MYO3B: variants seen among roughly 807,000 people sequenced by gnomAD.
MYO3B encodes the protein myosin IIIB.
Under a neutral mutation model 174.6 loss-of-function variants are expected in MYO3B, and 156 were observed. The observed-to-expected ratio is 0.89, with a 90% CI of 0.78 to 1.02. The LOEUF is 1.02. MYO3B is among the 50% of genes least tolerant of loss of function. The pLI, the probability that MYO3B is intolerant of heterozygous loss-of-function variation, is 0.00. For synonymous variants in MYO3B, 563 were observed against 569.1 expected (o/e 0.99, Z 0.15); for missense variants, 1,632 against 1,639.4 (o/e 1.00, Z 0.08).
chr2:170,404,543 A>C lies in MYO3B; in HGVS notation c.2431+143A>C, dbSNP rs1012791107. 6.4e-6 allele frequency: 5 copies of C among 780,682 alleles called. No homozygotes were observed. In the African/African-American group the frequency reaches 8.8e-5, roughly 14 times the overall value. The allele number at this position is 780,682 out of a possible 1,614,324, so 48.4% of individuals were successfully genotyped here. ...GAATATAGGCCTTCTTTTTCATTGA[A>C]TTGAAGTGTTGTGGTAGAATTTGAA... On this transcript the variant is annotated intron_variant, in intron 20 of 34. Transcript: ENST00000408978.
At chr2:170,257,506 T>A (rs2093314599) in intron 7 of MYO3B, among the ~76,000 whole-genome samples, 1 of 151,980 alleles carries the variant, frequency 6.6e-6, no homozygotes, top group South Asian at 2.1e-4. Context: ...ATAACAAAAT[T>A]AAGGCAGAAA....
At chr2:170,368,945 A>C (rs1035758744) in intron 8 of MYO3B, among the ~76,000 whole-genome samples, 1 of 152,150 alleles carries the variant, frequency 6.6e-6, no homozygotes, top group East Asian at 1.9e-4. Context: ...CTATATTTTT[A>C]GTGTTTTGAG....
chr2:170,282,035 T>C (rs892918268), intron 7 of MYO3B, among the ~76,000 whole-genome samples: 4 of 152,202 alleles, frequency 2.6e-5, no homozygotes, highest in Non-Finnish European at 5.9e-5. Flanking sequence ...TTGCAAATAT[T>C]TTCTCCCATT....
At chr2:170,430,492 C>T (rs1558993608) in intron 22 of MYO3B, among the ~76,000 whole-genome samples, 2 of 151,954 alleles carry the variant, frequency 1.3e-5, no homozygotes, top group African/African-American at 2.4e-5. Context: ...CTACCTCAGC[C>T]TCCTGAGTGA....
intron 32 of MYO3B, among the ~76,000 whole-genome samples, chr2:170,639,845 ATTGTTCTC>A (rs1406446534): frequency 6.6e-6 from 1 of 152,112 alleles, no homozygotes; most frequent in Non-Finnish European, 1.5e-5. Flanking sequence ...GGTCAGCAAA[ATTGTTCTC>A]TTGGAATAAG....
At position 170,497,671 on chromosome 2, in the gene MYO3B, A is replaced by G. The variant is rs375470537; in HGVS notation, c.3015-921A>G. 3.9e-5 allele frequency among the ~76,000 whole-genome samples: 6 copies of G among 152,018 alleles called. No homozygotes were observed. The East Asian group carries it at 7.7e-4, about 20-fold the overall frequency. On this transcript the variant is annotated intron_variant, in intron 25 of 34. Coordinates refer to ENST00000408978, the MANE Select transcript of MYO3B (RefSeq NM_138995.5). ...TGTTTCTTCAGGTTTTCATTTCCTC[A>G]TGAAGGCTCCTGTGTCACTTAAAAC...
chr2:170,214,690 C>A lies in MYO3B; in HGVS notation c.427-39C>A, dbSNP rs545620222. ...AAATAAGCATGTAAATTTCCCCTTT[C>A]TCTTTCCTGTTGTTTGGTGGTGGTG... On this transcript the variant is annotated intron_variant, in intron 4 of 34. Transcript: ENST00000408978. The A allele has an allele frequency of 1.1e-5, 18 of 1,567,200 alleles. No homozygotes were observed. In the African/African-American group the frequency reaches 1.8e-4, roughly 15 times the overall value.
intron 1 of MYO3B, among the ~76,000 whole-genome samples, chr2:170,182,037 T>C (rs2092406711): frequency 6.6e-6 from 1 of 152,154 alleles, no homozygotes; most frequent in Admixed American, 6.5e-5. Context: ...TTTTATTGTA[T>C]ATACTCTTGA....
At chr2:170,198,795 G>C (rs537393962) in intron 1 of MYO3B, among the ~76,000 whole-genome samples, 2 of 152,102 alleles carry the variant, frequency 1.3e-5, no homozygotes, top group African/African-American at 4.8e-5. Context: ...GTCTATCAGG[G>C]AGCCCTCATG....
At chr2:170,587,509 C>T (rs1355751372) in intron 32 of MYO3B, among the ~76,000 whole-genome samples, 2 of 152,166 alleles carry the variant, frequency 1.3e-5, no homozygotes, top group South Asian at 2.1e-4. Flanking sequence ...CAGTCAGGTA[C>T]GTCCTATTCC....
chr2:170,557,142 A>ATT lies in MYO3B; in HGVS notation c.3733+13158_3733+13159dup, dbSNP rs369628260. ...TATGTCTGCAGGGTTTTTTATTTTT[A>ATT]TTTTTATTTTTTTTTGAGACGGAGT... On this transcript the variant is annotated intron_variant, in intron 32 of 34. Transcript: ENST00000408978. Among the ~76,000 whole-genome samples, 590 of 137,550 alleles carry ATT rather than the reference A, an allele frequency of 4.3e-3. 16 individuals carry two copies. The highest frequency in any genetic ancestry group is 6.6e-3 in the Non-Finnish European group (432 of 65,144). 90.2% of individuals were successfully genotyped at this position (137,550 alleles called of 152,430 possible). A position where few individuals can be genotyped will look rare whatever the true frequency, so the allele number is the denominator to read the frequency against.
chr2:170,294,438 A>G (rs1158202822), intron 7 of MYO3B, among the ~76,000 whole-genome samples: 1 of 151,958 alleles, frequency 6.6e-6, no homozygotes, highest in Non-Finnish European at 1.5e-5. Context: ...ACTCAAAAAT[A>G]TAAGTTTCAA....
At chr2:170,199,930 T>C (rs1477965095) in intron 2 of MYO3B, among the ~76,000 whole-genome samples, 1 of 152,210 alleles carries the variant, frequency 6.6e-6, no homozygotes, top group East Asian at 1.9e-4. Context: ...AATTATGTAA[T>C]AATAGAAGGT....
intron 8 of MYO3B, among the ~76,000 whole-genome samples, chr2:170,355,034 A>G (rs957639968): frequency 2.6e-5 from 4 of 152,176 alleles, no homozygotes; most frequent in African/African-American, 9.7e-5. Flanking sequence ...TTGGGTGGCC[A>G]CTTCCTCTGC....
At chr2:170,442,830 A>AT (rs2094811901) in intron 22 of MYO3B, among the ~76,000 whole-genome samples, 1 of 151,822 alleles carries the variant, frequency 6.6e-6, no homozygotes, top group Non-Finnish European at 1.5e-5. Flanking sequence ...AAGGACATGA[A>AT]CTCATCCTTT....
chr2:170,543,814 A>G, intron 31 of MYO3B, 78 bp from the exon 32 acceptor site: 3 of 1,196,902 alleles, frequency 2.5e-6, no homozygotes, highest in Middle Eastern at 2.0e-4. Flanking sequence ...GTGCCCCTTC[A>G]TTAAATAGAA....
chr2:170,477,776 T>C (rs369875022), intron 25 of MYO3B, among the ~76,000 whole-genome samples: 6 of 151,568 alleles, frequency 4.0e-5, no homozygotes, highest in Admixed American at 2.0e-4. Context: ...AAATGTCTCC[T>C]GAGGGGGAGG....
chr2:170,188,865 C>G (rs1190126528), intron 1 of MYO3B, among the ~76,000 whole-genome samples: 1 of 152,032 alleles, frequency 6.6e-6, no homozygotes, highest in Non-Finnish European at 1.5e-5. Context: ...TTTAGTCTTT[C>G]TAGATATGTA....
At chr2:170,205,239 A>G (rs2092702171) in intron 3 of MYO3B, among the ~76,000 whole-genome samples, 1 of 152,154 alleles carries the variant, frequency 6.6e-6, no homozygotes. Context: ...TAGAGTTACA[A>G]ATAAAGTTTA....
Sources: allele counts gnomAD v4.1 joint callset (sites outside exome capture counted in the v4.1 genomes callset), GRCh38; gene constraint gnomAD v4.1.1; transcripts MANE v1.5; gene names NCBI Gene and HGNC (gene_info 2026-07-23, HGNC 2026-07-21).